Variants in BANK1 observed in about 807,000 individuals in gnomAD.
The protein encoded by BANK1 is B-cell scaffold protein with ankyrin repeats.
A neutral mutation model predicts 94.5 loss-of-function variants in BANK1; 95 were observed. The ratio of observed to expected loss-of-function variants is 1.00; its 90% confidence interval spans 0.85 to 1.19. The LOEUF is 1.19. BANK1 is among the 50% of genes most tolerant of loss of function. BANK1 has a pLI of 0.00. For synonymous variants in BANK1, 334 were observed against 308.4 expected (o/e 1.08, Z -0.87); for missense variants, 987 against 932.2 (o/e 1.06, Z -0.77).
chr4:101,835,811 C>T (rs1317256053), intron 2 of BANK1, among the ~76,000 whole-genome samples: 2 of 152,162 alleles, frequency 1.3e-5, no homozygotes, highest in African/African-American at 4.8e-5. Context: ...GCATGGGTGT[C>T]CAGGCCATTT....
In BANK1 at chr4:102,046,889, G is replaced by C. The variant is rs548499773; in HGVS notation, c.1969+2982G>C. Among the ~76,000 whole-genome samples, 101 of 152,212 alleles carry C rather than the reference G, an allele frequency of 6.6e-4. 1 individual carries two copies. Among genetic ancestry groups the C allele is most frequent in the Non-Finnish European group, 1.9e-4 (13 of 67,998 alleles). On this transcript the variant is annotated intron_variant, in intron 11 of 16. Transcript: ENST00000322953. ...AAAACATTAAAGGTGGCAGAGGTAGGGGGTAACATTAGCTGCCCATGATAA... is the reference window on the plus strand; with the variant it reads ...AAAACATTAAAGGTGGCAGAGGTAGCGGGTAACATTAGCTGCCCATGATAA...
At chr4:101,915,385 A>G (rs1292100292) in intron 6 of BANK1, among the ~76,000 whole-genome samples, 1 of 152,142 alleles carries the variant, frequency 6.6e-6, no homozygotes, top group African/African-American at 2.4e-5. Flanking sequence ...TAAGTTTTAG[A>G]ATTTTGGTAT....
intron 7 of BANK1, among the ~76,000 whole-genome samples, chr4:101,983,726 A>G (rs1308109796): frequency 1.5e-4 from 23 of 152,214 alleles, no homozygotes; most frequent in Non-Finnish European, 2.9e-5. Flanking sequence ...GGGAGAAAAG[A>G]TGTTCCAGAT....
chr4:102,035,789 T>G (rs1727491433), intron 10 of BANK1, among the ~76,000 whole-genome samples: 1 of 152,206 alleles, frequency 6.6e-6, no homozygotes, highest in South Asian at 2.1e-4. Flanking sequence ...TAAGTAAAAT[T>G]TTTTGAAGTC....
intron 7 of BANK1, among the ~76,000 whole-genome samples, chr4:101,936,562 A>ATATG (rs1723568257): frequency 6.6e-6 from 1 of 150,758 alleles, no homozygotes; most frequent in African/African-American, 2.4e-5. Flanking sequence ...ACATATATGT[A>ATATG]TATGTATACG....
At chr4:101,993,297 G>A (rs1281571299) in intron 7 of BANK1, among the ~76,000 whole-genome samples, 1 of 152,124 alleles carries the variant, frequency 6.6e-6, no homozygotes, top group East Asian at 1.9e-4. Flanking sequence ...ATACTTTCTG[G>A]TTAGGCTTTC....
chr4:101,795,766 C>A (rs1224606488), intron 1 of BANK1, among the ~76,000 whole-genome samples: 1 of 152,060 alleles, frequency 6.6e-6, no homozygotes, highest in Non-Finnish European at 1.5e-5. Context: ...ACTTTAAGTA[C>A]TTATTTGTAG....
At position 101,855,033 on chromosome 4, in the gene BANK1, A is replaced by C; in HGVS notation, c.470-2A>C. The C allele has an allele frequency of 1.2e-6, 2 of 1,602,014 alleles. No homozygotes were observed. The highest frequency in any genetic ancestry group is 1.7e-6 in the Non-Finnish European group (2 of 1,172,178). On this transcript the variant is annotated splice_acceptor_variant, in intron 2 of 16. Coordinates refer to ENST00000322953, the MANE Select transcript of BANK1 (RefSeq NM_017935.5). LOFTEE classifies it high-confidence loss of function. ...AATCTACATTCATAAAATTTTCTCT[A>C]GATTCTGAAGACTACTTTGAGGTCA...
chr4:102,073,717 G>T lies in BANK1; in HGVS notation c.2332G>T (p.Gly778Cys), dbSNP rs1728830366. 1 of 1,610,952 alleles carries T rather than the reference G, an allele frequency of 6.2e-7. No homozygotes were observed. Among genetic ancestry groups the T allele is most frequent in the Non-Finnish European group, 8.5e-7 (1 of 1,178,490 alleles). The change falls in exon 16 of 17, where the codon GGT becomes TGT. Residue 778 changes from glycine (G) to cysteine (C), a missense_variant. Coordinates refer to ENST00000322953, the MANE Select transcript of BANK1 (RefSeq NM_017935.5). ...PARPQVEKEF[G>C]FCCKKDH is the part of the protein sequence containing the mutation. Reference sequence around the variant, plus strand: ...TCGACCCCAAGTTGAAAAGGAATTTGGTTTCTGTTGCAAGAAAGATCATTA... The same window carrying T: ...TCGACCCCAAGTTGAAAAGGAATTTTGTTTCTGTTGCAAGAAAGATCATTA...
chr4:101,843,965 A>G (rs983596613), intron 2 of BANK1, among the ~76,000 whole-genome samples: 6 of 152,132 alleles, frequency 3.9e-5, no homozygotes, highest in Non-Finnish European at 8.8e-5. Context: ...ATATGGCTAC[A>G]AGAATAATTA....
At chr4:102,072,457 A>G (rs1728791532) in intron 15 of BANK1, 57 bp downstream of exon 15, 3 of 1,270,378 alleles carry the variant, frequency 2.4e-6, no homozygotes, top group South Asian at 1.3e-5. Context: ...TCGTTAAAAA[A>G]GAACATGAGA....
intron 7 of BANK1, among the ~76,000 whole-genome samples, chr4:102,002,996 A>G (rs1324833366): frequency 2.0e-5 from 3 of 152,182 alleles, no homozygotes; most frequent in Non-Finnish European, 4.4e-5. Context: ...CCTGGCCTCA[A>G]GTGATCCGCC....
chr4:102,073,119 A>G (rs1560721429), intron 15 of BANK1, among the ~76,000 whole-genome samples: 1 of 151,976 alleles, frequency 6.6e-6, no homozygotes, highest in Non-Finnish European at 1.5e-5. Context: ...AGTTCCTTGT[A>G]TATTTCAAAT....
intron 12 of BANK1, chr4:102,061,745 A>G (rs1728426740): frequency 1.9e-5 from 2 of 105,628 alleles, no homozygotes; most frequent in African/African-American, 7.5e-5. Flanking sequence ...TGTATATTTA[A>G]ATTTAATCTT....
intron 13 of BANK1, 58 bp from the exon 14 acceptor site, chr4:102,071,217 G>GAATTTAAGATA: frequency 6.5e-7 from 1 of 1,547,536 alleles, no homozygotes; most frequent in South Asian, 1.1e-5. Context: ...ATAAGAGAGA[G>GAATTTAAGATA]AATTTAAGAT....
intron 7 of BANK1, among the ~76,000 whole-genome samples, chr4:101,957,458 A>C (rs1056108746): frequency 6.6e-6 from 1 of 152,206 alleles, no homozygotes; most frequent in African/African-American, 2.4e-5. Flanking sequence ...TATTTGGGTA[A>C]CACACAGCCT....
intron 7 of BANK1, among the ~76,000 whole-genome samples, chr4:101,940,649 G>C (rs772899258): frequency 6.6e-6 from 1 of 151,704 alleles, no homozygotes; most frequent in Non-Finnish European, 1.5e-5. Flanking sequence ...CAGATATTTT[G>C]CAGAACGTCC....
chr4:101,853,820 AGAGG>A (rs1727584503), intron 2 of BANK1, among the ~76,000 whole-genome samples: 1 of 152,142 alleles, frequency 6.6e-6, no homozygotes, highest in African/African-American at 2.4e-5. Context: ...CACACCGCGT[AGAGG>A]GCAGGAGAAA....
chr4:101,887,049 A>G (rs1728885257), intron 5 of BANK1, among the ~76,000 whole-genome samples: 1 of 152,204 alleles, frequency 6.6e-6, no homozygotes, highest in Non-Finnish European at 1.5e-5. Context: ...TGGAAGCAAT[A>G]TGTGCAAATT....
Sources: allele counts gnomAD v4.1 joint callset (sites outside exome capture counted in the v4.1 genomes callset), GRCh38; gene constraint gnomAD v4.1.1; transcripts MANE v1.5; gene names NCBI Gene and HGNC (gene_info 2026-07-23, HGNC 2026-07-21).